The following STX18 variants were observed in gnomAD, a reference collection of about 807,000 sequenced individuals.
STX18 encodes the protein syntaxin 18, also known as syntaxin-18.
In STX18, 40 loss-of-function variants were observed where a neutral mutation model predicts 50.1. The ratio of observed to expected loss-of-function variants is 0.80; its 90% confidence interval spans 0.62 to 1.04. The LOEUF (loss-of-function observed/expected upper bound fraction) is 1.04. STX18 is among the 50% of genes least tolerant of loss of function. The pLI is 0.00. For synonymous variants in STX18, 158 were observed against 151.8 expected (o/e 1.04, Z -0.30); for missense variants, 410 against 415.8 (o/e 0.99, Z 0.12).
chr4:4,464,248 AG>A (rs1194437649), intron 2 of STX18, among the ~76,000 whole-genome samples: 1 of 152,206 alleles, frequency 6.6e-6, no homozygotes, highest in African/African-American at 2.4e-5. Flanking sequence ...AAATGGAGCT[AG>A]GGGAAGAGAC....
intron 1 of STX18, among the ~76,000 whole-genome samples, chr4:4,528,655 C>T (rs1961603): frequency 0.022 from 3,419 of 152,322 alleles, 123 homozygotes; most frequent in African/African-American, 0.078. Context: ...TGTGGCTAAA[C>T]TGCATCTTTC....
Position 4,434,752 on chromosome 4 carries a change from G to A in STX18, c.702+18C>T. ...AAAACCAGTTAAAAATAAATAATTA[G>A]GCAGAGAATAGCATTACCATTTGTA... On this transcript the variant is annotated intron_variant, in intron 7 of 10. Coordinates refer to ENST00000306200, the MANE Select transcript of STX18 (RefSeq NM_016930.4). 1 of 1,585,172 alleles carries A rather than the reference G, an allele frequency of 6.3e-7. No individual in the cohort carries two copies. Among genetic ancestry groups the A allele is most frequent in the Non-Finnish European group, 8.6e-7 (1 of 1,165,546 alleles).
At chr4:4,448,290 G>A (rs1726539247) in intron 5 of STX18, among the ~76,000 whole-genome samples, 1 of 152,140 alleles carries the variant, frequency 6.6e-6, no homozygotes, top group Admixed American at 6.5e-5. Context: ...GCCAACAAAG[G>A]GCTTAAATTC....
chr4:4,437,463 G>A (rs1471872020), intron 6 of STX18: 1 of 229,920 alleles, frequency 4.3e-6, no homozygotes, highest in Non-Finnish European at 7.2e-6. Flanking sequence ...CCAGATTTTA[G>A]TTTTCAGATT....
intron 1 of STX18, among the ~76,000 whole-genome samples, chr4:4,488,667 G>T (rs1292924811): frequency 2.6e-5 from 4 of 152,186 alleles, no homozygotes; most frequent in Non-Finnish European, 5.9e-5. Context: ...TTTGTCTCTT[G>T]AGGATATACA....
intron 8 of STX18, among the ~76,000 whole-genome samples, chr4:4,424,821 T>C (rs1314576209): frequency 1.3e-5 from 2 of 152,100 alleles, no homozygotes; most frequent in Non-Finnish European, 2.9e-5. Context: ...CTGCCCTTCA[T>C]AAGGGCCCCA....
At chr4:4,533,243 G>A (rs761065905) in intron 1 of STX18, among the ~76,000 whole-genome samples, 32 of 151,974 alleles carry the variant, frequency 2.1e-4, no homozygotes, top group Non-Finnish European at 3.4e-4. Flanking sequence ...AATGTAATAC[G>A]CTTTAAACAT....
At chr4:4,502,044 G>C (rs940619012) in intron 1 of STX18, among the ~76,000 whole-genome samples, 21 of 152,180 alleles carry the variant, frequency 1.4e-4, no homozygotes, top group Non-Finnish European at 2.8e-4. Flanking sequence ...CACATTAATG[G>C]AAAGATGAAG....
intron 1 of STX18, among the ~76,000 whole-genome samples, chr4:4,513,089 C>A (rs1171806845): frequency 6.6e-6 from 1 of 152,130 alleles, no homozygotes; most frequent in African/African-American, 2.4e-5. Flanking sequence ...AGGAAGCAGT[C>A]TAAGCTGAAA....
At position 4,420,011 on chromosome 4, in the gene STX18, G is replaced by A. The variant is rs1378044453; in HGVS notation, c.*23C>T. On this transcript the variant is annotated 3_prime_UTR_variant, in exon 11 of 11. Transcript: ENST00000306200. This position sits in a 1 kb window ranked among gnomAD's most constrained non-coding sequence, Gnocchi z 4.3. ...TCTGTGAGTGCCCATGAGGACTCTC[G>A]TGCTGGGCCCCCGTGGCCCTGGCTA... is the stretch of plus-strand genomic sequence containing the variant. 6.3e-6 allele frequency: 10 copies of A among 1,593,916 alleles called. No individual in the cohort carries two copies. Among genetic ancestry groups the A allele is most frequent in the South Asian group, 2.3e-5 (2 of 88,374 alleles).
At chr4:4,484,657 AT>A (rs1228497171) in intron 1 of STX18, among the ~76,000 whole-genome samples, 2 of 152,172 alleles carry the variant, frequency 1.3e-5, no homozygotes, top group African/African-American at 4.8e-5. Context: ...TTTTAAAAAC[AT>A]TTCCTCCACA....
At chr4:4,495,787 G>T (rs1451428177) in intron 1 of STX18, among the ~76,000 whole-genome samples, 3 of 151,954 alleles carry the variant, frequency 2.0e-5, no homozygotes, top group Non-Finnish European at 2.9e-5. Context: ...TCATTTTTAG[G>T]CAAATGAATT....
chr4:4,520,377 T>C (rs146193487), intron 1 of STX18, among the ~76,000 whole-genome samples: 110 of 152,274 alleles, frequency 7.2e-4, no homozygotes, highest in African/African-American at 2.4e-3. Flanking sequence ...ACACAAAATA[T>C]AATAAGTGCA....
chr4:4,537,708 T>C (rs1261786952), intron 1 of STX18, among the ~76,000 whole-genome samples: 5 of 152,202 alleles, frequency 3.3e-5, no homozygotes, highest in African/African-American at 1.2e-4. Flanking sequence ...CTTTTCTTAT[T>C]TCACCTAACA....
At chr4:4,437,789 G>T (rs1410602738) in intron 6 of STX18, among the ~76,000 whole-genome samples, 1 of 152,152 alleles carries the variant, frequency 6.6e-6, no homozygotes, top group Non-Finnish European at 1.5e-5. Flanking sequence ...CCTACGCAGG[G>T]GTACCAGCCA....
At chr4:4,514,369 C>A (rs1477135536) in intron 1 of STX18, among the ~76,000 whole-genome samples, 1 of 152,194 alleles carries the variant, frequency 6.6e-6, no homozygotes, top group Non-Finnish European at 1.5e-5. Context: ...TTCATTCTCT[C>A]ACTGGTCTCA....
intron 1 of STX18, among the ~76,000 whole-genome samples, chr4:4,474,264 T>C (rs1034265221): frequency 3.9e-5 from 6 of 152,216 alleles, no homozygotes; most frequent in Non-Finnish European, 7.3e-5. Flanking sequence ...GTTCATAAAC[T>C]GATTTCCCTT....
chr4:4,526,903 G>T (rs1730794295), intron 1 of STX18, among the ~76,000 whole-genome samples: 1 of 152,168 alleles, frequency 6.6e-6, no homozygotes, highest in Non-Finnish European at 1.5e-5. Context: ...TGACATAAGT[G>T]AGATATATTC....
At chr4:4,434,048 A>G (rs980233622) in intron 7 of STX18, among the ~76,000 whole-genome samples, 1 of 152,242 alleles carries the variant, frequency 6.6e-6, no homozygotes, top group Non-Finnish European at 1.5e-5. Flanking sequence ...TCTACTGCAA[A>G]CTGCTGCACA....
Sources: allele counts gnomAD v4.1 joint callset (sites outside exome capture counted in the v4.1 genomes callset), GRCh38; gene constraint gnomAD v4.1.1; non-coding constraint Gnocchi (gnomAD v3.1); transcripts MANE v1.5; gene names NCBI Gene and HGNC (gene_info 2026-07-23, HGNC 2026-07-21).